ANP32B: variants seen among roughly 807,000 people sequenced by gnomAD.
The protein encoded by ANP32B is acidic leucine-rich nuclear phosphoprotein 32 family member B.
In ANP32B, 6 loss-of-function variants were observed where a neutral mutation model predicts 32.2. The ratio of observed to expected loss-of-function variants is 0.19; its 90% CI spans 0.10 to 0.37. The LOEUF (loss-of-function observed/expected upper bound fraction) is 0.37, where lower values mean the gene tolerates loss of function less well. Ranked by LOEUF, ANP32B falls within the 10% of genes least tolerant of loss-of-function variation. ANP32B has a pLI of 1.00. For missense variants in ANP32B, 204 were observed against 289.2 expected (o/e 0.71, Z 2.14); for synonymous variants, 98 against 105.8 (o/e 0.93, Z 0.45).
intron 4 of ANP32B, among the ~76,000 whole-genome samples, chr9:98,009,496 A>G (rs1467952071): frequency 6.6e-6 from 1 of 152,218 alleles, no homozygotes; most frequent in African/African-American, 2.4e-5. Flanking sequence ...TTTGGGATGA[A>G]ACGGTTCCAC....
At position 97,991,192 on chromosome 9, in the gene ANP32B, T is replaced by C. The variant is rs1827820008; in HGVS notation, c.55-3439T>C. ...GCATAGTGGCATGATAATGGCTCAC[T>C]GCAACCTGGACCTCCTGGGCTCAAG... is the stretch of plus-strand genomic sequence containing the variant. On this transcript the variant is annotated intron_variant, in intron 1 of 6. Transcript: ENST00000339399. Among the ~76,000 whole-genome samples the C allele has an allele frequency of 1.3e-5, 2 of 151,966 alleles. 1 individual carries two copies. Among genetic ancestry groups the C allele is most frequent in the South Asian group, 4.2e-4 (2 of 4,804 alleles).
chr9:97,985,051 T>TGCCCGCCGTCGCGAGCCC (rs1300433455), intron 1 of ANP32B, among the ~76,000 whole-genome samples: 1 of 147,996 alleles, frequency 6.8e-6, no homozygotes, highest in South Asian at 2.1e-4. Flanking sequence ...TTAGCGCGGC[T>TGCCCGCCGTCGCGAGCCC]GCCCGCCGTC....
Position 97,986,110 on chromosome 9 carries a change from C to T in ANP32B, c.54+2501C>T, listed in dbSNP as rs1827728972. ...TGCTGGGATTACAGGCGTGAGCCAC[C>T]GCCCCCGGCCACCAGTTCATTTTTC... On this transcript the variant is annotated intron_variant, in intron 1 of 6. Coordinates refer to ENST00000339399, the MANE Select transcript of ANP32B (RefSeq NM_006401.3). Among the ~76,000 whole-genome samples, 6 of 152,186 alleles carry T rather than the reference C, an allele frequency of 3.9e-5. No individual in the cohort carries two copies. In the South Asian group the frequency reaches 1.2e-3, roughly 31 times the overall value.
chr9:98,011,228 A>C, intron 4 of ANP32B, 43 bp from the exon 5 acceptor site: 1 of 1,542,816 alleles, frequency 6.5e-7, no homozygotes, highest in Non-Finnish European at 8.8e-7. Context: ...TCCCCTGTGG[A>C]GCGTCGAGGA....
At chr9:97,998,438 A>T in intron 2 of ANP32B, 118 bp from the exon 3 acceptor site, 1 of 1,127,162 alleles carries the variant, frequency 8.9e-7, no homozygotes, top group Non-Finnish European at 1.2e-6. Context: ...TAATAGAAAT[A>T]GGGATCATTT....
intron 5 of ANP32B, 137 bp from the exon 6 acceptor site, chr9:98,012,283 TA>T (rs1828198942): frequency 6.3e-6 from 7 of 1,109,174 alleles, no homozygotes; most frequent in Non-Finnish European, 8.7e-6. Context: ...TCAAAGTAGA[TA>T]AAAATAACAT....
chr9:97,983,714 G>C (rs1211374213), intron 1 of ANP32B, 105 bp downstream of exon 1: 1 of 923,256 alleles, frequency 1.1e-6, no homozygotes, highest in Non-Finnish European at 1.5e-6. Flanking sequence ...GCGCGGGGAA[G>C]AGCGCAGCTC....
Position 98,012,441 on chromosome 9 carries a change from TGAA to T in ANP32B, c.663_665del (p.Glu221del), listed in dbSNP as rs201773940. 8.0e-4 allele frequency: 1,289 copies of T among 1,611,962 alleles called. 8 individuals carry two copies. The African/African-American group carries it at 0.015, about 19-fold the overall frequency. On this transcript the variant is annotated inframe_deletion, in exon 6 of 7. Coordinates refer to ENST00000339399, the MANE Select transcript of ANP32B (RefSeq NM_006401.3). ...TTTAGGAAGAAGAATTTGGACTTGA[TGAA>T]GAAGATGAAGATGAGGATGAGGATG...
At chr9:98,000,837 A>T (rs941835963) in intron 3 of ANP32B, among the ~76,000 whole-genome samples, 1 of 150,572 alleles carries the variant, frequency 6.6e-6, no homozygotes, top group African/African-American at 2.4e-5. Context: ...CAGGAGAATC[A>T]CTTGAACCCA....
chr9:97,983,617 G>C lies in ANP32B; in HGVS notation c.54+8G>C, dbSNP rs1228866484. The stretch of plus-strand genomic sequence containing the variant: ...AACCGGACCCCGGCAGCTGTAAGCA[G>C]AGACCCCTCTGGGTGCCCTCTCCCC... On this transcript the variant is annotated splice_region_variant and intron_variant, in intron 1 of 6. Transcript: ENST00000339399. The C allele has an allele frequency of 6.4e-7, 1 of 1,568,770 alleles. No individual in the cohort carries two copies. Among genetic ancestry groups the C allele is most frequent in the East Asian group, 2.4e-5 (1 of 41,272 alleles).
chr9:98,003,526 C>T (rs1444565108), intron 3 of ANP32B, among the ~76,000 whole-genome samples: 8 of 152,042 alleles, frequency 5.3e-5, no homozygotes, highest in African/African-American at 1.9e-4. Flanking sequence ...AGTGGTGGGC[C>T]AGAATTGGCC....
intron 1 of ANP32B, among the ~76,000 whole-genome samples, chr9:97,987,166 A>G (rs1827750274): frequency 1.3e-5 from 2 of 152,224 alleles, no homozygotes; most frequent in African/African-American, 4.8e-5. Context: ...GGGATTGTAA[A>G]GAAATACAGA....
intron 2 of ANP32B, among the ~76,000 whole-genome samples, chr9:97,996,966 T>G (rs376118595): frequency 2.6e-5 from 4 of 152,240 alleles, no homozygotes; most frequent in Admixed American, 6.5e-5. Context: ...ACAAATTTTC[T>G]AAATTTACAC....
At chr9:98,000,393 A>G (rs1195669515) in intron 3 of ANP32B, among the ~76,000 whole-genome samples, 4 of 152,198 alleles carry the variant, frequency 2.6e-5, no homozygotes, top group African/African-American at 7.2e-5. Flanking sequence ...TATTACAGGT[A>G]TACCCAGATA....
At chr9:98,002,126 G>GT (rs1227147558) in intron 3 of ANP32B, 7 of 152,246 alleles carry the variant, frequency 4.6e-5, no homozygotes, top group Non-Finnish European at 8.8e-5. Context: ...GGGGGGAAGA[G>GT]TTGGGTCCAT....
In ANP32B at chr9:97,992,693, C is replaced by T. The variant is rs1827848169; in HGVS notation, c.55-1938C>T. On this transcript the variant is annotated intron_variant, in intron 1 of 6. Transcript: ENST00000339399. ...TACATTGGTGGGTGATGACAGTCGA[C>T]CTTTTTAAAATTTTAATGGTTCGTT... Among the ~76,000 whole-genome samples the T allele has an allele frequency of 2.0e-5, 3 of 152,190 alleles. No homozygotes were observed. The South Asian group carries it at 6.2e-4, about 32-fold the overall frequency.
At chr9:98,007,746 C>T (rs980991256) in intron 4 of ANP32B, among the ~76,000 whole-genome samples, 3 of 152,202 alleles carry the variant, frequency 2.0e-5, no homozygotes, top group African/African-American at 7.2e-5. Flanking sequence ...TGCTGGCTAG[C>T]TGACAAATGT....
rs187914720 is a variant in ANP32B at position 97,995,485 on chromosome 9, A to T, written c.204+705A>T. Among the ~76,000 whole-genome samples the T allele has an allele frequency of 2.6e-5, 4 of 152,362 alleles. No individual in the cohort carries two copies. In the East Asian group the frequency reaches 7.7e-4, roughly 29 times the overall value. On this transcript the variant is annotated intron_variant, in intron 2 of 6. Coordinates refer to ENST00000339399, the MANE Select transcript of ANP32B (RefSeq NM_006401.3). ...GTTGTACCTTTATTTAAACTAAGGC[A>T]CACGTAGAAGGAAACTAATCAAACT...
chr9:98,015,815 G>A lies in ANP32B; in HGVS notation c.*384G>A, dbSNP rs1025926300. The stretch of plus-strand genomic sequence containing the variant: ...TGTAAATAAAATCTTAACATTTTGG[G>A]TCTGTTTTTTCATGCTTTGCTTTTT... On this transcript the variant is annotated 3_prime_UTR_variant, in exon 7 of 7. Coordinates refer to ENST00000339399, the MANE Select transcript of ANP32B (RefSeq NM_006401.3). 1.0e-6 allele frequency: 1 copy of A among 983,082 alleles called. No individual in the cohort carries two copies. Among genetic ancestry groups the A allele is most frequent in the African/African-American group, 1.8e-5 (1 of 57,098 alleles). 60.9% of individuals were successfully genotyped at this position (983,082 alleles called of 1,614,324 possible). A position where few individuals can be genotyped will look rare whatever the true frequency, so the allele number is the denominator to read the frequency against.
Sources: allele counts gnomAD v4.1 joint callset (sites outside exome capture counted in the v4.1 genomes callset), GRCh38; gene constraint gnomAD v4.1.1; transcripts MANE v1.5; gene names NCBI Gene and HGNC (gene_info 2026-07-23, HGNC 2026-07-21).